CLCN4: variants seen among roughly 807,000 people sequenced by gnomAD.
The protein encoded by CLCN4 is Cl-/H+ antiporter 4.
A neutral mutation model predicts 41.7 loss-of-function variants in CLCN4; 1 was observed. The observed-to-expected ratio is 0.02, with a 90% CI of 0.01 to 0.11. The LOEUF (loss-of-function observed/expected upper bound fraction) is 0.11. CLCN4 is among the 10% of genes least tolerant of loss of function. The probability of loss-of-function intolerance (pLI) is 1.00; values close to 1 mark genes in which losing one functional copy is unlikely to be tolerated. For synonymous variants in CLCN4, 277 were observed against 285.8 expected, an observed-to-expected ratio of 0.97 and a Z score of 0.31; for missense variants, 287 against 661.0, an observed-to-expected ratio of 0.43 and a Z score of 6.20.
intron 2 of CLCN4, among the ~76,000 whole-genome samples, chrX:10,175,698 A>C (rs976019926): frequency 8.9e-6 from 1 of 111,817 alleles, no homozygotes; most frequent in Admixed American, 9.5e-5. Flanking sequence ...TCATGGTGTC[A>C]TGTGAACACT....
intron 11 of CLCN4, among the ~76,000 whole-genome samples, chrX:10,216,296 C>T (rs190599305): frequency 4.5e-5 from 5 of 112,170 alleles, no homozygotes; most frequent in South Asian, 7.4e-4. Flanking sequence ...CAAAGCATGG[C>T]GTTATCTTTG....
intron 8 of CLCN4, 71 bp downstream of exon 8, chrX:10,206,847 G>T (rs992940095): frequency 1.4e-6 from 1 of 735,117 alleles, no homozygotes; most frequent in Non-Finnish European, 2.0e-6. Flanking sequence ...AATCAAAGAA[G>T]TATTGGATAA....
At chrX:10,200,809 C>T (rs184985052) in intron 6 of CLCN4, among the ~76,000 whole-genome samples, 1 of 112,013 alleles carries the variant, frequency 8.9e-6, no homozygotes, top group East Asian at 2.8e-4. Flanking sequence ...CTGCCTCAGC[C>T]TCCTGAGTAG....
At chrX:10,214,128 C>T in intron 11 of CLCN4, 49 bp downstream of exon 11, 1 of 1,083,457 alleles carries the variant, frequency 9.2e-7, no homozygotes, top group Non-Finnish European at 1.2e-6. Context: ...CGAATGGCAT[C>T]CTTTGTACCC....
intron 6 of CLCN4, among the ~76,000 whole-genome samples, chrX:10,202,516 G>A (rs1924263393): frequency 9.3e-6 from 1 of 107,257 alleles, no homozygotes; most frequent in Non-Finnish European, 1.9e-5. Context: ...GTGCACTCCT[G>A]TAGTCCCAGC....
intron 4 of CLCN4, among the ~76,000 whole-genome samples, chrX:10,191,692 A>ATTTTTTTTTTTTTTTTTTTTTTTTTTT (rs760315418): frequency 8.0e-5 from 4 of 49,771 alleles, no homozygotes; most frequent in African/African-American, 3.7e-4. Context: ...TATCTGGTTA[A>ATTTTTTTTTTTTTTTTTTTTTTTTTTT]TTTTTTTTTT....
At chrX:10,202,576 C>A (rs758698247) in intron 6 of CLCN4, among the ~76,000 whole-genome samples, 1 of 91,706 alleles carries the variant, frequency 1.1e-5, no homozygotes, top group African/African-American at 4.2e-5. Flanking sequence ...GAAATTGAGA[C>A]TGCAGTGAGC....
At chrX:10,161,362 T>G (rs1158759720) in intron 2 of CLCN4, among the ~76,000 whole-genome samples, 5 of 111,890 alleles carry the variant, frequency 4.5e-5, no homozygotes, top group African/African-American at 1.6e-4. Flanking sequence ...CCTGTCACGC[T>G]CCTGTGTGCC....
At position 10,193,021 on chromosome X, in the gene CLCN4, T is replaced by G. The variant is rs755302917; in HGVS notation, c.245-1890T>G. Among the ~76,000 whole-genome samples, 4 of 111,780 alleles carry G rather than the reference T, an allele frequency of 3.6e-5. No individual in the cohort carries two copies. In the East Asian group the frequency reaches 1.1e-3, roughly 32 times the overall value. On this transcript the variant is annotated intron_variant, in intron 4 of 12. Coordinates refer to ENST00000380833, the MANE Select transcript of CLCN4 (RefSeq NM_001830.4). Reference sequence around the variant, plus strand: ...GCTTTAGTTCGGTGTCGGATGGTGGTGGACTGAAGTGGAGATATCTAGTAG... The same window carrying G: ...GCTTTAGTTCGGTGTCGGATGGTGGGGGACTGAAGTGGAGATATCTAGTAG...
intron 6 of CLCN4, among the ~76,000 whole-genome samples, chrX:10,205,351 T>C (rs954532661): frequency 1.3e-4 from 14 of 107,302 alleles, no homozygotes; most frequent in Admixed American, 6.1e-4. Context: ...CGGGTGACTG[T>C]AGTCCCAGCT....
chrX:10,225,516 T>C (rs1924966894), intron 12 of CLCN4, among the ~76,000 whole-genome samples: 1 of 112,350 alleles, frequency 8.9e-6, no homozygotes, highest in Admixed American at 9.4e-5. Context: ...ATGGATAGAT[T>C]GCAAAATTTC....
intron 2 of CLCN4, among the ~76,000 whole-genome samples, chrX:10,175,132 A>T (rs981651325): frequency 8.1e-5 from 9 of 111,524 alleles, no homozygotes; most frequent in Non-Finnish European, 1.3e-4. Context: ...CAGAGAGGGA[A>T]TTACCTTGGC....
chrX:10,233,373 A>C, intron 12 of CLCN4, 121 bp from the exon 13 acceptor site: 1 of 517,850 alleles, frequency 1.9e-6, no homozygotes, highest in Admixed American at 3.0e-5. Flanking sequence ...CCTAACCACA[A>C]GGGAGGCTGG....
intron 10 of CLCN4, among the ~76,000 whole-genome samples, chrX:10,212,891 C>A (rs1218473668): frequency 9.5e-6 from 1 of 105,679 alleles, no homozygotes; most frequent in Non-Finnish European, 1.9e-5. Flanking sequence ...ATGGGGTTAA[C>A]ATCCTGATAA....
At chrX:10,208,640 A>T (rs765333917) in intron 9 of CLCN4, 50 bp downstream of exon 9, 1 of 1,065,739 alleles carries the variant, frequency 9.4e-7, no homozygotes. Context: ...CCTTCTGGGG[A>T]CAGCACCCTA....
chrX:10,166,219 C>T (rs957879023), intron 2 of CLCN4, among the ~76,000 whole-genome samples: 1 of 111,734 alleles, frequency 8.9e-6, no homozygotes, highest in African/African-American at 3.3e-5. Context: ...AAGACGTGAC[C>T]TTATTTGGAG....
intron 5 of CLCN4, among the ~76,000 whole-genome samples, chrX:10,196,438 G>A (rs1602150684): frequency 9.0e-6 from 1 of 111,090 alleles, no homozygotes; most frequent in South Asian, 3.8e-4. Context: ...GAGGAACCAG[G>A]TTGTCAAGCT....
At chrX:10,187,937 G>T (rs1245240500) in intron 4 of CLCN4, among the ~76,000 whole-genome samples, 1 of 111,473 alleles carries the variant, frequency 9.0e-6, no homozygotes, top group African/African-American at 3.3e-5. Context: ...ATTTTTTTTG[G>T]AAACGGTCTT....
intron 12 of CLCN4, among the ~76,000 whole-genome samples, chrX:10,232,225 A>G (rs995131166): frequency 1.9e-4 from 21 of 112,007 alleles, no homozygotes; most frequent in African/African-American, 6.2e-4. Context: ...GTCAGAGCCA[A>G]AAAAGTCAGA....
Sources: allele counts gnomAD v4.1 joint callset (sites outside exome capture counted in the v4.1 genomes callset), GRCh38; gene constraint gnomAD v4.1.1; transcripts MANE v1.5; gene names NCBI Gene and HGNC (gene_info 2026-07-23, HGNC 2026-07-21).